Variants in HP observed in about 807,000 individuals in gnomAD.
HP encodes haptoglobin alpha(1S)-beta.
A neutral mutation model predicts 23.2 loss-of-function variants in HP; 9 were observed. The ratio of observed to expected loss-of-function variants is 0.39; its 90% CI spans 0.23 to 0.68. The LOEUF (loss-of-function observed/expected upper bound fraction) is 0.68. Ranked by LOEUF, HP falls within the 30% of genes least tolerant of loss-of-function variation. The pLI is 0.47. For missense variants in HP, 433 were observed against 483.6 expected (o/e 0.90, Z 0.98); for synonymous variants, 155 against 183.3 (o/e 0.85, Z 1.25).
intron 1 of HP, 173 bp from the exon 2 acceptor site, chr16:72,055,988 T>G: frequency 1.7e-6 from 2 of 1,190,676 alleles, no homozygotes; most frequent in Non-Finnish European, 1.2e-6. Context: ...GGGGGCAATT[T>G]CTTGGTCCTA....
intron 1 of HP, chr16:72,055,831 T>C (rs2144040005): frequency 7.9e-6 from 3 of 380,224 alleles, no homozygotes; most frequent in South Asian, 6.3e-5. Flanking sequence ...CAATGTACTT[T>C]CCTGAATGCA....
intron 2 of HP, 106 bp from the exon 3 acceptor site, chr16:72,056,424 G>A: frequency 6.4e-7 from 1 of 1,570,184 alleles, no homozygotes; most frequent in South Asian, 1.1e-5. Flanking sequence ...TCTATTCGGG[G>A]TGGAAGGAGA....
In HP at chr16:72,056,165, C is replaced by A. The variant is rs1245376081; in HGVS notation, c.10C>A (p.Leu4Met). The change falls in exon 2 of 7, where the codon CTG becomes ATG. Residue 4 changes from leucine to methionine, a missense_variant. By Grantham distance (15) the Leu-to-Met change is conservative (BLOSUM62 2). Around this residue, in one of 3 missense-constraint regions of HP, gnomAD observed 71 missense variants for 54.2 expected, o/e 1.31. Transcript: ENST00000355906. Reference sequence around the variant, plus strand: ...CTCCTTGTCTTCTCTCTGCAGTGCCCTGGGAGCTGTCATTGCCCTCCTGCT... The same window carrying A: ...CTCCTTGTCTTCTCTCTGCAGTGCCATGGGAGCTGTCATTGCCCTCCTGCT... MSALGAVIALLLWG... is the reference protein window; with the variant it reads MSAMGAVIALLLWG... The A allele has an allele frequency of 1.2e-6, 2 of 1,613,728 alleles. No homozygotes were observed. The highest frequency in any genetic ancestry group is 3.3e-5 in the Admixed American group (2 of 59,982).
rs377379257 is a variant in HP, at chr16:72,055,568, T to G, written c.6-593T>G. On this transcript the variant is annotated intron_variant, in intron 1 of 6. Transcript: ENST00000355906. The stretch of plus-strand genomic sequence containing the variant: ...TCCTGCTTTTGGACACCAGTTCTCT[T>G]CCAGGTAACCTTCTGGCATTTTGGG... 14 of 168,442 alleles carry G rather than the reference T, an allele frequency of 8.3e-5. No homozygotes were observed. In the East Asian group the frequency reaches 1.8e-3, roughly 22 times the overall value. 10.4% of individuals were successfully genotyped at this position (168,442 alleles called of 1,614,324 possible). A position where few individuals can be genotyped will look rare whatever the true frequency, so the allele number is the denominator to read the frequency against.
chr16:72,060,765 G>A lies in HP; in HGVS notation c.1096G>A (p.Glu366Lys), dbSNP rs547403950. ...GSAFAVHDLE[E>K]DTWYATGILS... ...TGCCTTTGCCGTTCACGACCTGGAG[G>A]AGGACACCTGGTATGCGACTGGGAT... is the stretch of plus-strand genomic sequence containing the variant. Residue 366 changes from glutamate to lysine, a missense_variant, in exon 7 of 7, where the codon GAG becomes AAG. Glu to Lys is a moderately conservative substitution (Grantham distance 56). Coordinates refer to ENST00000355906, the MANE Select transcript of HP (RefSeq NM_005143.5). 67 of 1,614,158 alleles carry A rather than the reference G, an allele frequency of 4.2e-5. No individual in the cohort carries two copies. Among genetic ancestry groups the A allele is most frequent in the Middle Eastern group, 1.7e-4 (1 of 6,060 alleles).
chr16:72,056,064 T>TGC (rs1366971872), intron 1 of HP, 97 bp from the exon 2 acceptor site: 2 of 1,503,486 alleles, frequency 1.3e-6, no homozygotes, highest in Non-Finnish European at 1.8e-6. Flanking sequence ...TATGCATGTG[T>TGC]GTGTGTGTGT....
At chr16:72,056,114 G>A (rs756360229) in intron 1 of HP, 47 bp from the exon 2 acceptor site, 1 of 1,579,226 alleles carries the variant, frequency 6.3e-7, no homozygotes, top group Non-Finnish European at 8.7e-7. Context: ...CATGTGCTGT[G>A]AAGCAGGGAG....
chr16:72,060,480 G>C lies in HP; in HGVS notation c.811G>C (p.Asp271His). The change falls in exon 7 of 7, where the codon GAT (aspartate) becomes CAT (histidine). Residue 271 changes from aspartate (D) to histidine (H), a missense_variant. By Grantham distance (81) the Asp-to-His change is moderately conservative. Coordinates refer to ENST00000355906, the MANE Select transcript of HP (RefSeq NM_005143.5). ...GATGCCCATCTGCCTACCTTCAAAG[G>C]ATTATGCAGAAGTAGGGCGTGTGGG... ...RVMPICLPSK[D>H]YAEVGRVGYV... 6.2e-7 allele frequency: 1 copy of C among 1,614,150 alleles called. No individual in the cohort carries two copies.
Position 72,059,041 on chromosome 16 carries a change from T to TAA in HP, c.368-71_368-70dup, listed in dbSNP as rs2041497901. ...TCCTCTTCCTTTTAGTTCTTCTCTTTAAATGCCTTCTCACTCTGCACGGGG... is the reference window on the plus strand; with the variant it reads ...TCCTCTTCCTTTTAGTTCTTCTCTTTAAAAATGCCTTCTCACTCTGCACGGGG... On this transcript the variant is annotated intron_variant, in intron 5 of 6. Coordinates refer to ENST00000355906, the MANE Select transcript of HP (RefSeq NM_005143.5). The TAA allele has an allele frequency of 4.2e-6, 6 of 1,416,062 alleles. No homozygotes were observed. In the African/African-American group the frequency reaches 8.4e-5, roughly 20 times the overall value. 87.7% of individuals were successfully genotyped at this position (1,416,062 alleles called of 1,614,324 possible). A position where few individuals can be genotyped will look rare whatever the true frequency, so the allele number is the denominator to read the frequency against.
chr16:72,059,240 T>C (rs755106130), intron 6 of HP, 52 bp downstream of exon 6: 1 of 1,559,618 alleles, frequency 6.4e-7, no homozygotes, highest in Admixed American at 1.7e-5. Context: ...GGGAACGTCC[T>C]AGAGGCACAG....
intron 1 of HP, chr16:72,054,979 C>A (rs2041436343): frequency 1.9e-6 from 1 of 529,118 alleles, no homozygotes; most frequent in Non-Finnish European, 3.4e-6. Context: ...ATATTTTCCT[C>A]TTTAAAAATG....
intron 5 of HP, 147 bp from the exon 6 acceptor site, chr16:72,058,967 C>T: frequency 2.2e-6 from 2 of 920,006 alleles, no homozygotes; most frequent in Non-Finnish European, 3.3e-6. Context: ...TCTTTCCCTT[C>T]CTCCTTCTCA....
At chr16:72,059,247 A>C in intron 6 of HP, 59 bp downstream of exon 6, 1 of 1,556,638 alleles carries the variant, frequency 6.4e-7, no homozygotes, top group Non-Finnish European at 8.8e-7. Flanking sequence ...TCCTAGAGGC[A>C]CAGCCTTCCA....
chr16:72,058,882 G>A (rs1173958036), intron 5 of HP, among the ~76,000 whole-genome samples: 1 of 139,020 alleles, frequency 7.2e-6, no homozygotes, highest in East Asian at 2.0e-4. Context: ...GTACTGCTTG[G>A]CTGTGACCGC....
rs757505327 is a variant in HP, at chr16:72,054,605, C to G, written c.-48C>G. The G allele has an allele frequency of 1.2e-6, 2 of 1,603,414 alleles. No individual in the cohort carries two copies. The highest frequency in any genetic ancestry group is 1.7e-6 in the Non-Finnish European group (2 of 1,174,404). On this transcript the variant is annotated 5_prime_UTR_variant, in exon 1 of 7. Coordinates refer to ENST00000355906, the MANE Select transcript of HP (RefSeq NM_005143.5). The stretch of plus-strand genomic sequence containing the variant: ...TGAGCTAGTGGCAGCATAAAAAGAC[C>G]AGCAGATGCCCCACAGCACTGCTCT...
At chr16:72,055,029 CAATT>C in intron 1 of HP, 1 of 404,892 alleles carries the variant, frequency 2.5e-6, no homozygotes, top group East Asian at 5.0e-5. Flanking sequence ...TTGAATGACA[CAATT>C]AATTGACTAG....
rs1016609386 is a variant in HP at position 72,058,829 on chromosome 16, C to T, written c.368-285C>T. On this transcript the variant is annotated intron_variant, in intron 5 of 6. Coordinates refer to ENST00000355906, the MANE Select transcript of HP (RefSeq NM_005143.5). ...GAGTATCTTGCCCAAATTCAGGCAG[C>T]CTGTAAGAGGCAGAGTCAGGATTTG... is the stretch of plus-strand genomic sequence containing the variant. Among the ~76,000 whole-genome samples, 9 of 132,388 alleles carry T rather than the reference C, an allele frequency of 6.8e-5. 1 individual carries two copies. The highest frequency in any genetic ancestry group is 1.1e-4 in the Non-Finnish European group (7 of 63,074). The allele number at this position is 132,388 out of a possible 152,430, so 86.9% of individuals were successfully genotyped here.
Position 72,060,346 on chromosome 16 carries a change from G to C in HP, c.677G>C (p.Gly226Ala), listed in dbSNP as rs2041523231. 1.9e-6 allele frequency: 3 copies of C among 1,614,120 alleles called. No homozygotes were observed. The highest frequency in any genetic ancestry group is 1.7e-6 in the Non-Finnish European group (2 of 1,180,036). The change falls in exon 7 of 7, where the codon GGG becomes GCG. Residue 226 changes from glycine to alanine, a missense_variant. Gly to Ala is a moderately conservative substitution (Grantham distance 60). Coordinates refer to ENST00000355906, the MANE Select transcript of HP (RefSeq NM_005143.5). Reference protein sequence around the residue: ...DIAPTLTLYVGKKQLVEIEKV... With the variant: ...DIAPTLTLYVAKKQLVEIEKV... Reference sequence around the variant, plus strand: ...GCCCCTACTTTAACACTCTATGTGGGGAAAAAGCAGCTTGTAGAGATTGAG... The same window carrying C: ...GCCCCTACTTTAACACTCTATGTGGCGAAAAAGCAGCTTGTAGAGATTGAG...
In HP at chr16:72,059,006, T is replaced by C. The variant is rs955223311; in HGVS notation, c.368-108T>C. 7 of 1,180,192 alleles carry C rather than the reference T, an allele frequency of 5.9e-6. 1 individual carries two copies. The African/African-American group carries it at 1.3e-4, about 22-fold the overall frequency. The allele number at this position is 1,180,192 out of a possible 1,614,324, so 73.1% of individuals were successfully genotyped here. On this transcript the variant is annotated intron_variant, in intron 5 of 6. Transcript: ENST00000355906. Reference sequence around the variant, plus strand: ...ACTCTCTCCTTTTCCCCTTCCTTTTTGTCCCCTTTTCCTCTTCCTTTTAGT... The same window carrying C: ...ACTCTCTCCTTTTCCCCTTCCTTTTCGTCCCCTTTTCCTCTTCCTTTTAGT...
Sources: gnomAD v4.1 joint callset for allele counts (sites outside exome capture counted in the v4.1 genomes callset) on GRCh38, gnomAD v4.1.1 for gene constraint, gnomAD v4.1.1 regional missense constraint, MANE v1.5 for transcripts, NCBI Gene and HGNC (gene_info 2026-07-23, HGNC 2026-07-21) for gene names.